Variants in GPR137C observed in about 807,000 individuals in gnomAD.
GPR137C encodes the protein integral membrane protein GPR137C.
Under a neutral mutation model 43.4 loss-of-function variants are expected in GPR137C, and 27 were observed. That is an observed-to-expected ratio of 0.62 (90% CI 0.46 to 0.86). The LOEUF is 0.86. GPR137C is among the 40% of genes least tolerant of loss of function. GPR137C has a pLI of 0.00. For synonymous variants in GPR137C, 285 were observed against 226.9 expected, an observed-to-expected ratio of 1.26 and a Z score of -2.30; for missense variants, 522 against 534.6, an observed-to-expected ratio of 0.98 and a Z score of 0.23.
chr14:52,569,833 T>G lies in GPR137C; in HGVS notation c.444+16242T>G, dbSNP rs150451450. 2.2e-3 allele frequency among the ~76,000 whole-genome samples: 334 copies of G among 151,930 alleles called. 2 individuals are homozygous for G. Among genetic ancestry groups the G allele is most frequent in the African/African-American group, 7.2e-3 (297 of 41,444 alleles). On this transcript the variant is annotated intron_variant, in intron 1 of 6. Coordinates refer to ENST00000321662, the MANE Select transcript of GPR137C (RefSeq NM_001099652.2). ...TATGTTTGATTGGTGTGCCTGAAAG[T>G]GAAGGGGAGAATGAAAACACTCTTC... is the stretch of plus-strand genomic sequence containing the variant.
At chr14:52,596,365 A>G (rs1007356663) in intron 1 of GPR137C, among the ~76,000 whole-genome samples, 2 of 152,226 alleles carry the variant, frequency 1.3e-5, no homozygotes, top group East Asian at 3.9e-4. Flanking sequence ...GCTGTTAGAC[A>G]GGGACATTTA....
intron 3 of GPR137C, among the ~76,000 whole-genome samples, chr14:52,630,878 C>T (rs1416673162): frequency 2.0e-5 from 3 of 152,108 alleles, no homozygotes; most frequent in African/African-American, 7.2e-5. Context: ...CAACATGTTA[C>T]TTTTAGAGCA....
Position 52,553,528 on chromosome 14 carries a change from C to A in GPR137C, c.381C>A (p.Leu127=), listed in dbSNP as rs369106861. The A allele has an allele frequency of 8.3e-5, 134 of 1,609,478 alleles. No individual in the cohort carries two copies. Among genetic ancestry groups the A allele is most frequent in the Non-Finnish European group, 1.0e-4 (122 of 1,179,602 alleles). Residue 127 remains leucine, a synonymous_variant, in exon 1 of 7, where the codon CTC becomes CTA. Coordinates refer to ENST00000321662, the MANE Select transcript of GPR137C (RefSeq NM_001099652.2). ...TGCACTTCTTCCCCCACTGGCTGCT[C>A]TACTGCTTCCCCTCCTGTCTCCAGT... ...AHLHFFPHWL[L]YCFPSCLQFS...
chr14:52,588,770 T>G (rs551292691), intron 1 of GPR137C, among the ~76,000 whole-genome samples: 1 of 152,280 alleles, frequency 6.6e-6, no homozygotes, highest in Non-Finnish European at 1.5e-5. Context: ...GGTCTGAAAA[T>G]TACATGATAG....
intron 3 of GPR137C, among the ~76,000 whole-genome samples, chr14:52,629,762 G>A (rs2039273207): frequency 6.6e-6 from 1 of 152,160 alleles, no homozygotes; most frequent in South Asian, 2.1e-4. Flanking sequence ...GGTTACATGT[G>A]TGTATACATT....
At chr14:52,570,684 A>C (rs755292339) in intron 1 of GPR137C, among the ~76,000 whole-genome samples, 64 of 152,236 alleles carry the variant, frequency 4.2e-4, no homozygotes, top group Non-Finnish European at 7.6e-4. Context: ...AAAAAAAAGC[A>C]GGGGTTGCAA....
chr14:52,553,974 G>A (rs535035480), intron 1 of GPR137C, among the ~76,000 whole-genome samples: 138 of 152,326 alleles, frequency 9.1e-4, no homozygotes, highest in Admixed American at 1.8e-3. Flanking sequence ...GTTGAGGGAG[G>A]TTGGATGCTG....
intron 1 of GPR137C, among the ~76,000 whole-genome samples, chr14:52,571,765 G>A (rs1594784258): frequency 6.6e-6 from 1 of 152,216 alleles, no homozygotes. Context: ...CAGAACTGAA[G>A]GAGATAGAGA....
At chr14:52,626,959 AAAG>A (rs1406010369) in intron 3 of GPR137C, among the ~76,000 whole-genome samples, 3 of 152,236 alleles carry the variant, frequency 2.0e-5, no homozygotes, top group Non-Finnish European at 4.4e-5. Context: ...AAGAAAAACC[AAAG>A]AAGACCTAAA....
chr14:52,609,210 T>G (rs750726423), intron 3 of GPR137C, among the ~76,000 whole-genome samples: 44 of 152,352 alleles, frequency 2.9e-4, no homozygotes, highest in Non-Finnish European at 4.1e-4. Flanking sequence ...CCCTATTACA[T>G]CTTTCATTTC....
intron 1 of GPR137C, among the ~76,000 whole-genome samples, chr14:52,560,854 C>A (rs539753156): frequency 1.6e-4 from 25 of 152,154 alleles, no homozygotes; most frequent in African/African-American, 6.0e-4. Context: ...AAGGCATGAA[C>A]CAAAATTGAC....
At chr14:52,593,936 T>C (rs1183146162) in intron 1 of GPR137C, among the ~76,000 whole-genome samples, 1 of 152,212 alleles carries the variant, frequency 6.6e-6, no homozygotes, top group Non-Finnish European at 1.5e-5. Context: ...GTGTCCATTT[T>C]AGATCTTTCC....
intron 1 of GPR137C, among the ~76,000 whole-genome samples, chr14:52,594,977 A>G (rs1409296078): frequency 6.6e-6 from 1 of 152,112 alleles, no homozygotes; most frequent in Non-Finnish European, 1.5e-5. Context: ...TTCCATGTTT[A>G]GTGCTTCCTT....
intron 1 of GPR137C, among the ~76,000 whole-genome samples, chr14:52,565,826 T>C (rs903763153): frequency 6.6e-6 from 1 of 152,208 alleles, no homozygotes; most frequent in Non-Finnish European, 1.5e-5. Flanking sequence ...ACATCATGAA[T>C]GGCCCTGAAC....
chr14:52,622,446 G>A (rs1056962660), intron 3 of GPR137C, among the ~76,000 whole-genome samples: 2 of 151,992 alleles, frequency 1.3e-5, no homozygotes, highest in South Asian at 4.1e-4. Context: ...AAGTCTTTTA[G>A]TTTTAAGAAG....
At chr14:52,558,488 G>C (rs897904020) in intron 1 of GPR137C, among the ~76,000 whole-genome samples, 1 of 152,152 alleles carries the variant, frequency 6.6e-6, no homozygotes, top group Admixed American at 6.5e-5. Context: ...AGACTGGGGG[G>C]TTTCAGGAGA....
chr14:52,612,306 A>T (rs1159010730), intron 3 of GPR137C: 2 of 899,096 alleles, frequency 2.2e-6, no homozygotes, highest in East Asian at 1.2e-4. Flanking sequence ...GGATTTTCTC[A>T]TGCTATTAAA....
chr14:52,597,544 G>A (rs184187637), intron 1 of GPR137C, among the ~76,000 whole-genome samples: 1 of 152,146 alleles, frequency 6.6e-6, no homozygotes, highest in Admixed American at 6.6e-5. Flanking sequence ...GTAGTAGCCT[G>A]TACACTAATG....
intron 1 of GPR137C, among the ~76,000 whole-genome samples, chr14:52,575,990 G>C (rs936422109): frequency 3.9e-5 from 6 of 152,094 alleles, no homozygotes; most frequent in African/African-American, 1.4e-4. Context: ...TTTTTACTGG[G>C]GGTTGGTCAT....
Sources: gnomAD v4.1 joint callset for allele counts (sites outside exome capture counted in the v4.1 genomes callset) on GRCh38, gnomAD v4.1.1 for gene constraint, MANE v1.5 for transcripts, NCBI Gene and HGNC (gene_info 2026-07-23, HGNC 2026-07-21) for gene names.